Variants in SRGAP1 observed in about 807,000 individuals in gnomAD.
SRGAP1 encodes the protein SLIT-ROBO Rho GTPase activating protein 1.
A neutral mutation model predicts 121.9 loss-of-function variants in SRGAP1; 43 were observed. The observed-to-expected ratio is 0.35, with a 90% CI of 0.28 to 0.46. SRGAP1 has a LOEUF of 0.46. Ranked by LOEUF, SRGAP1 falls within the 20% of genes least tolerant of loss-of-function variation. The probability of loss-of-function intolerance (pLI) is 1.00; values close to 1 mark genes in which losing one functional copy is unlikely to be tolerated. For missense variants in SRGAP1, 1,102 were observed against 1,350.9 expected (o/e 0.82, Z 2.89); for synonymous variants, 447 against 485.4 (o/e 0.92, Z 1.04).
chr12:63,856,434 A>G (rs1899253879), intron 1 of SRGAP1, among the ~76,000 whole-genome samples: 1 of 152,148 alleles, frequency 6.6e-6, no homozygotes, highest in African/African-American at 2.4e-5. Context: ...TAAATGTTGT[A>G]AAATTTTGCT....
chr12:64,045,392 G>T (rs1033456598), intron 6 of SRGAP1, among the ~76,000 whole-genome samples: 1 of 151,758 alleles, frequency 6.6e-6, no homozygotes, highest in Admixed American at 6.6e-5. Context: ...TTTTGATTGG[G>T]GTTCATTTTC....
At chr12:63,909,471 G>A (rs1324640752) in intron 1 of SRGAP1, among the ~76,000 whole-genome samples, 3 of 152,142 alleles carry the variant, frequency 2.0e-5, no homozygotes, top group African/African-American at 4.8e-5. Flanking sequence ...TCAATTGTAT[G>A]TGCTTTTTCC....
At chr12:64,011,868 C>T (rs547711923) in intron 3 of SRGAP1, among the ~76,000 whole-genome samples, 1 of 152,262 alleles carries the variant, frequency 6.6e-6, no homozygotes, top group South Asian at 2.1e-4. Flanking sequence ...GTAATCCCAG[C>T]ACTTTGGGAG....
At chr12:64,009,347 A>G (rs773482436) in intron 3 of SRGAP1, among the ~76,000 whole-genome samples, 1 of 152,192 alleles carries the variant, frequency 6.6e-6, no homozygotes, top group Non-Finnish European at 1.5e-5. Flanking sequence ...CATTTTGAGT[A>G]GAGAAACAAC....
intron 1 of SRGAP1, among the ~76,000 whole-genome samples, chr12:63,893,763 T>C (rs1458228334): frequency 6.6e-6 from 1 of 152,242 alleles, no homozygotes; most frequent in Non-Finnish European, 1.5e-5. Context: ...CCACTATTTG[T>C]CAGAGCTTTG....
chr12:64,101,356 G>T (rs916291984), intron 15 of SRGAP1, among the ~76,000 whole-genome samples: 1 of 126,050 alleles, frequency 7.9e-6, no homozygotes, highest in Admixed American at 7.6e-5. Flanking sequence ...TGTGTGATGA[G>T]TAGTTATCCA....
chr12:63,896,491 G>A (rs913305367), intron 1 of SRGAP1, among the ~76,000 whole-genome samples: 1 of 152,140 alleles, frequency 6.6e-6, no homozygotes, highest in African/African-American at 2.4e-5. Context: ...CCTAGGAGAG[G>A]CAGGCAGGTA....
Position 64,044,496 on chromosome 12 carries a change from C to G in SRGAP1, c.801+921C>G, listed in dbSNP as rs189954145. Reference sequence around the variant, plus strand: ...AGTTTTATTATAGAATATTTTATGGCTCATAGTAGCCGTCATAATTTAAAC... The same window carrying G: ...AGTTTTATTATAGAATATTTTATGGGTCATAGTAGCCGTCATAATTTAAAC... On this transcript the variant is annotated intron_variant, in intron 6 of 21. Transcript: ENST00000355086. Among the ~76,000 whole-genome samples the G allele has an allele frequency of 8.5e-5, 13 of 152,076 alleles. No homozygotes were observed. In the East Asian group the frequency reaches 1.9e-3, roughly 23 times the overall value.
At chr12:64,092,258 G>C (rs1269281080) in intron 12 of SRGAP1, among the ~76,000 whole-genome samples, 1 of 152,116 alleles carries the variant, frequency 6.6e-6, no homozygotes, top group Non-Finnish European at 1.5e-5. Context: ...TTACAAAAAA[G>C]AAAAGGGCTT....
intron 5 of SRGAP1, 111 bp downstream of exon 5, chr12:64,043,083 C>A: frequency 1.3e-6 from 1 of 752,362 alleles, no homozygotes. Context: ...AAAAGACATG[C>A]ATTTCCTCCC....
intron 21 of SRGAP1, among the ~76,000 whole-genome samples, chr12:64,130,016 C>T (rs923937117): frequency 2.1e-5 from 3 of 143,022 alleles, no homozygotes; most frequent in East Asian, 3.9e-4. Context: ...GTTTTCCTGG[C>T]GGAGTGACCC....
intron 8 of SRGAP1, among the ~76,000 whole-genome samples, chr12:64,075,664 G>A (rs2035724042): frequency 6.6e-6 from 1 of 152,118 alleles, no homozygotes. Flanking sequence ...GTGTAGGATG[G>A]TGACTCTTTT....
chr12:63,949,187 T>TTTTTTTCCATATATATATA, intron 1 of SRGAP1, among the ~76,000 whole-genome samples: 1 of 58,030 alleles, frequency 1.7e-5, no homozygotes, highest in South Asian at 5.5e-4. Context: ...CCATATATAT[T>TTTTTTTCCATATATATATA]TTTTTTTCCA....
At chr12:63,890,024 G>A (rs1227061946) in intron 1 of SRGAP1, among the ~76,000 whole-genome samples, 1 of 152,082 alleles carries the variant, frequency 6.6e-6, no homozygotes, top group Non-Finnish European at 1.5e-5. Flanking sequence ...TTCCTAACTG[G>A]TCTGTAGCTT....
chr12:64,113,353 A>G (rs2036463686), intron 17 of SRGAP1, among the ~76,000 whole-genome samples: 1 of 152,118 alleles, frequency 6.6e-6, no homozygotes, highest in Non-Finnish European at 1.5e-5. Context: ...GGTTGCAGTG[A>G]GCCAAGATCG....
intron 11 of SRGAP1, among the ~76,000 whole-genome samples, chr12:64,089,182 G>T (rs369343184): frequency 6.6e-6 from 1 of 152,106 alleles, no homozygotes; most frequent in East Asian, 1.9e-4. Flanking sequence ...TGACACTCAC[G>T]GCCACTATTC....
At chr12:64,019,563 GCA>G (rs145808980) in intron 4 of SRGAP1, among the ~76,000 whole-genome samples, 5 of 150,978 alleles carry the variant, frequency 3.3e-5, no homozygotes, top group African/African-American at 1.2e-4. Flanking sequence ...TATCACTCAT[GCA>G]CACACACACA....
At chr12:63,866,304 A>G (rs1206165056) in intron 1 of SRGAP1, among the ~76,000 whole-genome samples, 2 of 152,100 alleles carry the variant, frequency 1.3e-5, no homozygotes. Context: ...TGAAACCACC[A>G]CTGCACTGTA....
At chr12:64,119,208 T>C (rs2036567648) in intron 18 of SRGAP1, among the ~76,000 whole-genome samples, 1 of 152,210 alleles carries the variant, frequency 6.6e-6, no homozygotes. Flanking sequence ...AGTATCTTCT[T>C]TGTGTGAATT....
Sources: gnomAD v4.1 joint callset for allele counts (sites outside exome capture counted in the v4.1 genomes callset) on GRCh38, gnomAD v4.1.1 for gene constraint, MANE v1.5 for transcripts, NCBI Gene and HGNC (gene_info 2026-07-23, HGNC 2026-07-21) for gene names.